The following ADGRV1 variants were observed in gnomAD, a reference collection of about 807,000 sequenced individuals.
ADGRV1 encodes the protein adhesion G protein-coupled receptor V1.
ADGRV1 carries 359 observed loss-of-function variants against 596.2 expected under a neutral mutation model. The observed-to-expected ratio is 0.60, with a 90% confidence interval of 0.55 to 0.66. The LOEUF is 0.66. Ranked by LOEUF, ADGRV1 falls within the 30% of genes least tolerant of loss-of-function variation. The pLI, the probability that ADGRV1 is intolerant of heterozygous loss-of-function variation, is 0.00. For synonymous variants in ADGRV1, 2,681 were observed against 2,679.2 expected (o/e 1.00, Z -0.02); for missense variants, 7,274 against 7,575.6 (o/e 0.96, Z 1.48).
At chr5:90,787,350 G>A (rs1007144785) in intron 67 of ADGRV1, among the ~76,000 whole-genome samples, 1 of 152,046 alleles carries the variant, frequency 6.6e-6, no homozygotes, top group African/African-American at 2.4e-5. Context: ...ATTTTTGCAT[G>A]GTCTACAGCA....
At chr5:90,823,852 T>TA (rs1561806928) in intron 76 of ADGRV1, among the ~76,000 whole-genome samples, 1 of 152,202 alleles carries the variant, frequency 6.6e-6, no homozygotes, top group Non-Finnish European at 1.5e-5. Context: ...CATGTAGGTT[T>TA]AACTTCTTTT....
At chr5:90,886,100 G>A (rs1770255301) in intron 83 of ADGRV1, among the ~76,000 whole-genome samples, 1 of 152,114 alleles carries the variant, frequency 6.6e-6, no homozygotes, top group Admixed American at 6.6e-5. Flanking sequence ...TATTTTTTGA[G>A]CAGCATCAAG....
At chr5:90,980,481 A>G (rs10073898) in intron 84 of ADGRV1, among the ~76,000 whole-genome samples, 76,116 of 152,006 alleles carry the variant, frequency 0.5, 20,663 homozygotes, top group African/African-American at 0.71. Context: ...CTTTGGGCAT[A>G]ATAACATTTC....
At chr5:91,012,355 A>G (rs1782791684) in intron 85 of ADGRV1, among the ~76,000 whole-genome samples, 1 of 151,908 alleles carries the variant, frequency 6.6e-6, no homozygotes, top group African/African-American at 2.4e-5. Flanking sequence ...TTCTTATACC[A>G]TTTATATTAA....
chr5:90,949,822 G>A (rs1267360384), intron 83 of ADGRV1, among the ~76,000 whole-genome samples: 2 of 152,046 alleles, frequency 1.3e-5, no homozygotes, highest in East Asian at 3.9e-4. Context: ...ATTTCATCCA[G>A]CCCAACCCTC....
chr5:91,018,033 A>T (rs1354712054), intron 85 of ADGRV1, among the ~76,000 whole-genome samples: 5 of 151,974 alleles, frequency 3.3e-5, no homozygotes, highest in Admixed American at 6.6e-5. Context: ...TTCATAATCT[A>T]CCCTACTATG....
At chr5:90,678,134 T>C (rs1322010713) in intron 25 of ADGRV1, among the ~76,000 whole-genome samples, 1 of 152,184 alleles carries the variant, frequency 6.6e-6, no homozygotes, top group Non-Finnish European at 1.5e-5. Context: ...GATTTCAGGT[T>C]CTGGGTGCCA....
At chr5:90,679,855 C>A (rs1744708188) in intron 26 of ADGRV1, among the ~76,000 whole-genome samples, 1 of 152,054 alleles carries the variant, frequency 6.6e-6, no homozygotes, top group Non-Finnish European at 1.5e-5. Context: ...CTTCCAAAAC[C>A]CAGACTCTCC....
chr5:90,623,486 A>C (rs1007748026), intron 5 of ADGRV1, among the ~76,000 whole-genome samples: 7 of 152,098 alleles, frequency 4.6e-5, no homozygotes, highest in African/African-American at 1.7e-4. Context: ...ATCATGGCTC[A>C]CTGCAGCCTC....
chr5:90,598,066 C>T (rs1008487028), intron 1 of ADGRV1, among the ~76,000 whole-genome samples: 7 of 151,908 alleles, frequency 4.6e-5, no homozygotes, highest in East Asian at 1.9e-4. Flanking sequence ...ACTATTCACG[C>T]GGTAGTGTGG....
chr5:90,821,781 C>T (rs1020723733), intron 75 of ADGRV1, among the ~76,000 whole-genome samples: 1 of 152,004 alleles, frequency 6.6e-6, no homozygotes, highest in East Asian at 1.9e-4. Flanking sequence ...GTTCTCAGAT[C>T]TCCAGCTGCG....
intron 85 of ADGRV1, among the ~76,000 whole-genome samples, chr5:90,997,372 GC>G (rs1781505375): frequency 6.6e-6 from 1 of 151,786 alleles, no homozygotes; most frequent in African/African-American, 2.4e-5. Context: ...CTTCCCCTTT[GC>G]TCTCTCTTTT....
intron 85 of ADGRV1, among the ~76,000 whole-genome samples, chr5:91,010,574 T>G (rs767620020): frequency 4.6e-5 from 7 of 152,050 alleles, no homozygotes; most frequent in Non-Finnish European, 8.8e-5. Context: ...TTTCATATAT[T>G]AAACCCACCA....
intron 1 of ADGRV1, among the ~76,000 whole-genome samples, chr5:90,613,463 C>T (rs996150848): frequency 9.2e-5 from 14 of 152,060 alleles, no homozygotes; most frequent in Non-Finnish European, 1.3e-4. Context: ...TCATCTTTTT[C>T]ATTTCCTTTC....
At chr5:90,720,714 A>G (rs1023724526) in intron 44 of ADGRV1, among the ~76,000 whole-genome samples, 2 of 152,082 alleles carry the variant, frequency 1.3e-5, no homozygotes, top group African/African-American at 4.8e-5. Flanking sequence ...AGTGTTTTTG[A>G]TACATGTGTG....
chr5:91,081,846 A>G (rs1047354759), intron 86 of ADGRV1, among the ~76,000 whole-genome samples: 1 of 152,176 alleles, frequency 6.6e-6, no homozygotes, highest in Admixed American at 6.6e-5. Context: ...ACTTCTCCAC[A>G]TAGTCTTTAA....
chr5:91,164,093 G>A lies in ADGRV1; in HGVS notation c.*193G>A, dbSNP rs369242510. 4.1e-5 allele frequency: 28 copies of A among 674,986 alleles called. No homozygotes were observed. The highest frequency in any genetic ancestry group is 6.0e-5 in the Non-Finnish European group (22 of 368,806). 41.8% of individuals were successfully genotyped at this position (674,986 alleles called of 1,614,324 possible). A position where few individuals can be genotyped will look rare whatever the true frequency, so the allele number is the denominator to read the frequency against. On this transcript the variant is annotated 3_prime_UTR_variant, in exon 90 of 90. Coordinates refer to ENST00000405460, the MANE Select transcript of ADGRV1 (RefSeq NM_032119.4). ...CTGAAAATTCACTGCTATAAGAAAGGTGGAGTCAGTTTGTATCAGTTAATA... is the reference window on the plus strand; with the variant it reads ...CTGAAAATTCACTGCTATAAGAAAGATGGAGTCAGTTTGTATCAGTTAATA...
chr5:90,613,503 A>G (rs1197971625), intron 1 of ADGRV1, among the ~76,000 whole-genome samples: 1 of 152,106 alleles, frequency 6.6e-6, no homozygotes, highest in Non-Finnish European at 1.5e-5. Context: ...GTTGGAAGAC[A>G]GGGAAGAGTT....
rs1751551707 is a variant in ADGRV1 at position 90,724,840 on chromosome 5, G to T, written c.9757G>T (p.Asp3253Tyr). The T allele has an allele frequency of 6.2e-7, 1 of 1,613,020 alleles. No homozygotes were observed. The highest frequency in any genetic ancestry group is 1.7e-5 in the Admixed American group (1 of 59,988). Residue 3253 changes from aspartate to tyrosine, a missense_variant, in exon 46 of 90, where the codon GAT becomes TAT. Physicochemically the swap from Asp to Tyr is radical, Grantham distance 160 (BLOSUM62 -3). Around this residue, in one of 5 missense-constraint regions of ADGRV1, gnomAD observed 3,643 missense variants for 3,809.2 expected, o/e 0.96. Transcript: ENST00000405460. ...TGATTTGTGTTTTTCAGGGGGAATGGATGTTGTGTTTTCCGTATTTCAAAG... is the reference window on the plus strand; with the variant it reads ...TGATTTGTGTTTTTCAGGGGGAATGTATGTTGTGTTTTCCGTATTTCAAAG... ...SETAFGMRGM[D>Y]VVFSVFQSFL...
Sources: allele counts gnomAD v4.1 joint callset (sites outside exome capture counted in the v4.1 genomes callset), GRCh38; gene constraint gnomAD v4.1.1; regional missense constraint gnomAD v4.1.1; transcripts MANE v1.5; gene names NCBI Gene and HGNC (gene_info 2026-07-23, HGNC 2026-07-21).